Variants in ADAMTS2 observed in about 807,000 individuals in gnomAD.
ADAMTS2 encodes A disintegrin and metalloproteinase with thrombospondin motifs 2.
ADAMTS2 carries 50 observed loss-of-function variants against 123.0 expected under a neutral mutation model. That is an observed-to-expected ratio of 0.41 (90% CI 0.32 to 0.51). The LOEUF is 0.51. ADAMTS2 is among the 20% of genes least tolerant of loss of function. ADAMTS2 has a pLI of 0.35. For missense variants in ADAMTS2, 1,494 were observed against 1,705.2 expected (o/e 0.88, Z 2.18); for synonymous variants, 678 against 695.4 (o/e 0.98, Z 0.39).
chr5:179,138,061 C>A, intron 11 of ADAMTS2, 117 bp from the exon 12 acceptor site: 1 of 1,191,432 alleles, frequency 8.4e-7, no homozygotes, highest in Non-Finnish European at 1.2e-6. Flanking sequence ...CGGGGGGCAG[C>A]TCTGCTGAGC....
rs758930639 is a variant in ADAMTS2, at chr5:179,132,735, C to A, written c.2209+42G>T. ...CAGCTGTCCGGGCATGAGCCTGCTG[C>A]AGGCATCCAGGCTCCAGGGTGGAGA... On this transcript the variant is annotated intron_variant, in intron 14 of 21. Coordinates refer to ENST00000251582, the MANE Select transcript of ADAMTS2 (RefSeq NM_014244.5). The surrounding 1 kb of genome is among the most constrained non-coding windows in gnomAD (Gnocchi z 6.1). 1.2e-6 allele frequency: 2 copies of A among 1,613,418 alleles called. No individual in the cohort carries two copies. Among genetic ancestry groups the A allele is most frequent in the African/African-American group, 2.7e-5 (2 of 74,928 alleles).
At position 179,189,066 on chromosome 5, in the gene ADAMTS2, G is replaced by A. The variant is rs553864447; in HGVS notation, c.892-7911C>T. On this transcript the variant is annotated intron_variant, in intron 4 of 21. Coordinates refer to ENST00000251582, the MANE Select transcript of ADAMTS2 (RefSeq NM_014244.5). The surrounding 1 kb of genome is among the most constrained non-coding windows in gnomAD (Gnocchi z 4.2). ...ATGGGCTCTGCCACAATCCTGCTGC[G>A]TGACTTGGGGCCAGTTACTTAACCT... Among the ~76,000 whole-genome samples the A allele has an allele frequency of 2.6e-5, 4 of 152,270 alleles. No homozygotes were observed. In the South Asian group the frequency reaches 6.2e-4, roughly 24 times the overall value.
chr5:179,336,790 C>CCGGTCA (rs1240607158), intron 2 of ADAMTS2, among the ~76,000 whole-genome samples: 62 of 152,206 alleles, frequency 4.1e-4, no homozygotes, highest in South Asian at 2.1e-4. Context: ...GTCCACCCTG[C>CCGGTCA]CGGTCACGAG....
Position 179,326,201 on chromosome 5 carries a change from C to T in ADAMTS2, c.534+17566G>A, listed in dbSNP as rs200192777. Among the ~76,000 whole-genome samples, 130 of 148,592 alleles carry T rather than the reference C, an allele frequency of 8.7e-4. 1 individual carries two copies. Among genetic ancestry groups the T allele is most frequent in the Non-Finnish European group, 2.4e-4 (16 of 67,108 alleles). ...GGTGGAGAAATGGCGTTTGTGTGTGCGTGTGTGTGTGTGTGTGTGTGTGTG... is the reference window on the plus strand; with the variant it reads ...GGTGGAGAAATGGCGTTTGTGTGTGTGTGTGTGTGTGTGTGTGTGTGTGTG... On this transcript the variant is annotated intron_variant, in intron 2 of 21. Transcript: ENST00000251582.
chr5:179,159,084 C>T (rs533553791), intron 5 of ADAMTS2, among the ~76,000 whole-genome samples: 2 of 152,362 alleles, frequency 1.3e-5, no homozygotes, highest in African/African-American at 4.8e-5. Flanking sequence ...GTCACACTCA[C>T]CTGCGTGAGT....
Position 179,263,738 on chromosome 5 carries a change from G to A in ADAMTS2, c.688+9173C>T, listed in dbSNP as rs991743573. ...CAAACGTGTGTGTGCACAGGCACACGAAAGAAGGTGAGACAGAAGGAGAGA... is the reference window on the plus strand; with the variant it reads ...CAAACGTGTGTGTGCACAGGCACACAAAAGAAGGTGAGACAGAAGGAGAGA... On this transcript the variant is annotated intron_variant, in intron 3 of 21. Transcript: ENST00000251582. Among the ~76,000 whole-genome samples, 8 of 152,336 alleles carry A rather than the reference G, an allele frequency of 5.3e-5. No homozygotes were observed. In the East Asian group the frequency reaches 9.7e-4, roughly 18 times the overall value.
At chr5:179,302,266 C>T (rs1370592152) in intron 2 of ADAMTS2, among the ~76,000 whole-genome samples, 1 of 151,398 alleles carries the variant, frequency 6.6e-6, no homozygotes, top group African/African-American at 2.4e-5. Context: ...TGGAGACCAT[C>T]CTGGCTAACA....
intron 2 of ADAMTS2, among the ~76,000 whole-genome samples, chr5:179,325,911 C>T (rs1262936511): frequency 1.3e-5 from 2 of 152,214 alleles, no homozygotes; most frequent in Non-Finnish European, 2.9e-5. Flanking sequence ...AGGACAGGAG[C>T]GAGGCCAGCC....
intron 2 of ADAMTS2, among the ~76,000 whole-genome samples, chr5:179,329,888 A>G (rs888075516): frequency 5.3e-5 from 8 of 152,184 alleles, no homozygotes; most frequent in Admixed American, 2.0e-4. Flanking sequence ...GCACTTTGGG[A>G]GGCCGAGGCG....
chr5:179,304,828 T>G (rs964977121), intron 2 of ADAMTS2, among the ~76,000 whole-genome samples: 12 of 152,100 alleles, frequency 7.9e-5, no homozygotes, highest in African/African-American at 2.9e-4. Context: ...GTGAAATGCA[T>G]AAACCTACCA....
intron 3 of ADAMTS2, among the ~76,000 whole-genome samples, chr5:179,266,516 C>T (rs1766376400): frequency 6.6e-6 from 1 of 152,184 alleles, no homozygotes. Flanking sequence ...TGCCCTGGGG[C>T]CTCCCGAAGG....
chr5:179,328,254 G>T (rs1041398184), intron 2 of ADAMTS2, among the ~76,000 whole-genome samples: 1 of 152,176 alleles, frequency 6.6e-6, no homozygotes, highest in Non-Finnish European at 1.5e-5. Flanking sequence ...GGATGGTCTC[G>T]ATTTCCTGAC....
rs549208265 is a variant in ADAMTS2, at chr5:179,307,140, C to A, written c.535-34076G>T. 1.1e-3 allele frequency among the ~76,000 whole-genome samples: 164 copies of A among 152,318 alleles called. 1 individual carries two copies. The highest frequency in any genetic ancestry group is 3.8e-3 in the African/African-American group (158 of 41,584). On this transcript the variant is annotated intron_variant, in intron 2 of 21. Coordinates refer to ENST00000251582, the MANE Select transcript of ADAMTS2 (RefSeq NM_014244.5). The surrounding 1 kb of genome is among the most constrained non-coding windows in gnomAD (Gnocchi z 5.6). Reference sequence around the variant, plus strand: ...CCAGCCTAAGCCCGGCCCAGACCCTCGCCCTGCTAGCATGAGACAGACACA... The same window carrying A: ...CCAGCCTAAGCCCGGCCCAGACCCTAGCCCTGCTAGCATGAGACAGACACA...
chr5:179,259,323 T>C (rs1327219395), intron 3 of ADAMTS2, among the ~76,000 whole-genome samples: 2 of 152,244 alleles, frequency 1.3e-5, no homozygotes, highest in Non-Finnish European at 2.9e-5. Context: ...AAGTCTTTCA[T>C]TGTGCAGGTA....
rs539910229 is a variant in ADAMTS2 at position 179,129,347 on chromosome 5, C to G, written c.2457+585G>C. On this transcript the variant is annotated intron_variant, in intron 16 of 21. Coordinates refer to ENST00000251582, the MANE Select transcript of ADAMTS2 (RefSeq NM_014244.5). The surrounding 1 kb of genome is among the most constrained non-coding windows in gnomAD (Gnocchi z 4.1). ...CCAGCATGCCCACCTTAGGGAGGGG[C>G]TCCAGAGCATGGGAGCCTTATTTGT... is the stretch of plus-strand genomic sequence containing the variant. Among the ~76,000 whole-genome samples, 1 of 152,164 alleles carries G rather than the reference C, an allele frequency of 6.6e-6. No homozygotes were observed. Among genetic ancestry groups the G allele is most frequent in the African/African-American group, 2.4e-5 (1 of 41,420 alleles).
Position 179,207,494 on chromosome 5 carries a change from C to CCCCCCCCCCCCCCCCCA in ADAMTS2, c.891+18_891+19insTGGGGGGGGGGGGGGGG. 1 of 1,555,512 alleles carries CCCCCCCCCCCCCCCCCA rather than the reference C, an allele frequency of 6.4e-7. No homozygotes were observed. Among genetic ancestry groups the CCCCCCCCCCCCCCCCCA allele is most frequent in the Non-Finnish European group, 8.8e-7 (1 of 1,130,282 alleles). ...TGACCCTCCCCGCCCCACCCTGCCC[C>CCCCCCCCCCCCCCCCCA]CTCAGCCACCCCACTCACAATGTTC... On this transcript the variant is annotated intron_variant, in intron 4 of 21. Transcript: ENST00000251582.
chr5:179,301,805 C>A (rs936300567), intron 2 of ADAMTS2, among the ~76,000 whole-genome samples: 5 of 152,268 alleles, frequency 3.3e-5, no homozygotes, highest in Non-Finnish European at 7.3e-5. Context: ...TGCCCTGCTG[C>A]CCCAGCAGTG....
intron 3 of ADAMTS2, among the ~76,000 whole-genome samples, chr5:179,271,939 T>G (rs558070413): frequency 7.9e-5 from 12 of 152,274 alleles, no homozygotes; most frequent in Middle Eastern, 6.8e-3. Flanking sequence ...CCTGGAGCAC[T>G]CGCTGTGAAC....
chr5:179,195,012 C>T (rs1004628495), intron 4 of ADAMTS2, among the ~76,000 whole-genome samples: 3 of 152,194 alleles, frequency 2.0e-5, no homozygotes, highest in Non-Finnish European at 4.4e-5. Flanking sequence ...CGCGCTGTGC[C>T]ACCACCAGGA....
Sources: allele counts gnomAD v4.1 joint callset (sites outside exome capture counted in the v4.1 genomes callset), GRCh38; gene constraint gnomAD v4.1.1; non-coding constraint Gnocchi (gnomAD v3.1); transcripts MANE v1.5; gene names NCBI Gene and HGNC (gene_info 2026-07-23, HGNC 2026-07-21).